The following KIF26B variants were observed in gnomAD, a reference collection of about 807,000 sequenced individuals.
KIF26B encodes the protein kinesin-like protein KIF26B.
KIF26B carries 63 observed loss-of-function variants against 151.2 expected under a neutral mutation model. The observed-to-expected ratio is 0.42, with a 90% CI of 0.34 to 0.51. The LOEUF (loss-of-function observed/expected upper bound fraction) is 0.51. Ranked by LOEUF, KIF26B falls within the 20% of genes least tolerant of loss-of-function variation. The pLI is 0.07. For missense variants in KIF26B, 2,813 were observed against 2,913.6 expected, an observed-to-expected ratio of 0.97 and a Z score of 0.79; for synonymous variants, 1,357 against 1,262.1, an observed-to-expected ratio of 1.08 and a Z score of -1.59.
intron 5 of KIF26B, among the ~76,000 whole-genome samples, chr1:245,589,815 T>C (rs1352900558): frequency 6.6e-5 from 10 of 152,144 alleles, no homozygotes; most frequent in Non-Finnish European, 1.3e-4. Context: ...CAGTGGGATA[T>C]TGAAATTCTC....
chr1:245,363,873 G>T (rs1041946328), intron 2 of KIF26B, among the ~76,000 whole-genome samples: 1 of 152,198 alleles, frequency 6.6e-6, no homozygotes, highest in African/African-American at 2.4e-5. Context: ...TGGCTCTGTT[G>T]GTGCTCGCTG....
At chr1:245,337,269 T>G (rs1672253489) in intron 2 of KIF26B, among the ~76,000 whole-genome samples, 1 of 151,862 alleles carries the variant, frequency 6.6e-6, no homozygotes, top group South Asian at 2.1e-4. Context: ...CCTCCTGGGT[T>G]CAAGTGATCC....
At chr1:245,611,600 A>G (rs1374353431) in intron 8 of KIF26B, among the ~76,000 whole-genome samples, 193 bp from the exon 9 acceptor site, 2 of 152,240 alleles carry the variant, frequency 1.3e-5, no homozygotes, top group Non-Finnish European at 2.9e-5. Flanking sequence ...TAATTTTCAG[A>G]AATGAATTAA....
At chr1:245,448,411 T>C (rs1659296799) in intron 4 of KIF26B, among the ~76,000 whole-genome samples, 2 of 152,150 alleles carry the variant, frequency 1.3e-5, no homozygotes, top group African/African-American at 4.8e-5. Flanking sequence ...GGTTTCATCA[T>C]GTTGGCCAGG....
chr1:245,209,905 T>G (rs2103542887), intron 2 of KIF26B, among the ~76,000 whole-genome samples: 1 of 152,342 alleles, frequency 6.6e-6, no homozygotes, highest in South Asian at 2.1e-4. Flanking sequence ...AGGCATTTGC[T>G]TACTGGAAAC....
chr1:245,272,135 A>G (rs1183015957), intron 2 of KIF26B, among the ~76,000 whole-genome samples: 2 of 152,176 alleles, frequency 1.3e-5, no homozygotes, highest in East Asian at 3.8e-4. Context: ...ATTTGTTGGT[A>G]TATAATTGTT....
chr1:245,525,420 G>A (rs1661217519), intron 4 of KIF26B, among the ~76,000 whole-genome samples: 1 of 152,184 alleles, frequency 6.6e-6, no homozygotes, highest in African/African-American at 2.4e-5. Context: ...AGGATAGAGA[G>A]AAAGCACAGT....
At chr1:245,208,989 A>G (rs1284569281) in intron 2 of KIF26B, among the ~76,000 whole-genome samples, 49 of 152,340 alleles carry the variant, frequency 3.2e-4, no homozygotes, top group East Asian at 5.8e-4. Context: ...TTGGGTATTT[A>G]TTAGATGCCA....
At chr1:245,195,041 T>A (rs893770190) in intron 2 of KIF26B, among the ~76,000 whole-genome samples, 6 of 152,176 alleles carry the variant, frequency 3.9e-5, no homozygotes, top group African/African-American at 1.4e-4. Context: ...CCTCAATCAT[T>A]GTTACTTTTT....
chr1:245,353,493 T>C (rs1672615510), intron 2 of KIF26B, among the ~76,000 whole-genome samples: 1 of 152,156 alleles, frequency 6.6e-6, no homozygotes, highest in Non-Finnish European at 1.5e-5. Flanking sequence ...TGGCACATCC[T>C]TGTGGTCAGG....
rs1162044697 is a variant in KIF26B at position 245,352,349 on chromosome 1, C to T, written c.466-14485C>T. ...TGCGATCTCAGCTCACTGCAACCTCCGCCTCCCAGGCTCAAGCAATTCTCC... is the reference window on the plus strand; with the variant it reads ...TGCGATCTCAGCTCACTGCAACCTCTGCCTCCCAGGCTCAAGCAATTCTCC... On this transcript the variant is annotated intron_variant, in intron 2 of 14. Transcript: ENST00000407071. The surrounding 1 kb of genome is among the most constrained non-coding windows in gnomAD (Gnocchi z 5.0). Among the ~76,000 whole-genome samples the T allele has an allele frequency of 6.6e-6, 1 of 152,150 alleles. No individual in the cohort carries two copies. Among genetic ancestry groups the T allele is most frequent in the Non-Finnish European group, 1.5e-5 (1 of 68,026 alleles).
At chr1:245,573,978 C>T (rs1212900886) in intron 5 of KIF26B, among the ~76,000 whole-genome samples, 1 of 152,164 alleles carries the variant, frequency 6.6e-6, no homozygotes, top group African/African-American at 2.4e-5. Context: ...TTATTTATTT[C>T]TGGAATTTTC....
chr1:245,522,116 G>A (rs796615424), intron 4 of KIF26B, among the ~76,000 whole-genome samples: 41 of 152,112 alleles, frequency 2.7e-4, no homozygotes, highest in Non-Finnish European at 2.6e-4. Context: ...TGATCTGCCC[G>A]CCTTGGCCTC....
In KIF26B at chr1:245,463,225, C is replaced by T. The variant is rs148617218; in HGVS notation, c.1166+43480C>T. On this transcript the variant is annotated intron_variant, in intron 4 of 14. Coordinates refer to ENST00000407071, the MANE Select transcript of KIF26B (RefSeq NM_018012.4). The stretch of plus-strand genomic sequence containing the variant: ...GTGCTCAATCTGCTGCATGCATCAC[C>T]TTAGCCAATCCTCACGTCAATCCCA... 1.1e-4 allele frequency among the ~76,000 whole-genome samples: 16 copies of T among 152,340 alleles called. 1 individual carries two copies. The East Asian group carries it at 3.1e-3, about 29-fold the overall frequency.
At chr1:245,248,706 A>G (rs1670383177) in intron 2 of KIF26B, among the ~76,000 whole-genome samples, 1 of 152,194 alleles carries the variant, frequency 6.6e-6, no homozygotes, top group Non-Finnish European at 1.5e-5. Context: ...GATTATCCCC[A>G]CGGTAGTTTA....
chr1:245,352,367 A>C lies in KIF26B; in HGVS notation c.466-14467A>C, dbSNP rs184581936. Among the ~76,000 whole-genome samples the C allele has an allele frequency of 9.2e-5, 14 of 152,236 alleles. 1 individual carries two copies. In the East Asian group the frequency reaches 2.7e-3, roughly 30 times the overall value. ...CAACCTCCGCCTCCCAGGCTCAAGC[A>C]ATTCTCCTGCCTCAGCCTCCTGAGT... is the stretch of plus-strand genomic sequence containing the variant. On this transcript the variant is annotated intron_variant, in intron 2 of 14. Coordinates refer to ENST00000407071, the MANE Select transcript of KIF26B (RefSeq NM_018012.4). The surrounding 1 kb of genome is among the most constrained non-coding windows in gnomAD (Gnocchi z 5.0).
At chr1:245,164,315 A>G (rs1305309990) in intron 2 of KIF26B, among the ~76,000 whole-genome samples, 1 of 152,180 alleles carries the variant, frequency 6.6e-6, no homozygotes, top group East Asian at 1.9e-4. Context: ...GCCACAGTGC[A>G]TTTTGAAAGA....
chr1:245,464,748 A>C (rs986457073), intron 4 of KIF26B, among the ~76,000 whole-genome samples: 2 of 152,080 alleles, frequency 1.3e-5, no homozygotes, highest in Non-Finnish European at 2.9e-5. Context: ...AGGTTGTGGT[A>C]CCAGAGTCCA....
At chr1:245,619,252 G>A (rs893773677) in intron 9 of KIF26B, among the ~76,000 whole-genome samples, 1 of 152,100 alleles carries the variant, frequency 6.6e-6, no homozygotes, top group African/African-American at 2.4e-5. Context: ...TAGACTATGG[G>A]TTCCTTGAGA....
Sources: allele counts gnomAD v4.1 joint callset (sites outside exome capture counted in the v4.1 genomes callset), GRCh38; gene constraint gnomAD v4.1.1; non-coding constraint Gnocchi (gnomAD v3.1); transcripts MANE v1.5; gene names NCBI Gene and HGNC (gene_info 2026-07-23, HGNC 2026-07-21).